The following RBFOX1 variants were observed in gnomAD, a reference collection of about 807,000 sequenced individuals.
The protein encoded by RBFOX1 is RNA binding fox-1 homolog 1, also known as RNA binding protein fox-1 homolog 1.
A neutral mutation model predicts 57.7 loss-of-function variants in RBFOX1; 8 were observed. The observed-to-expected ratio is 0.14, with a 90% CI of 0.08 to 0.25. The LOEUF (loss-of-function observed/expected upper bound fraction) is 0.25. RBFOX1 is among the 10% of genes least tolerant of loss of function. The pLI is 1.00. For missense variants in RBFOX1, 611 were observed against 548.5 expected, an observed-to-expected ratio of 1.11 and a Z score of -1.14; for synonymous variants, 326 against 222.4, an observed-to-expected ratio of 1.47 and a Z score of -4.15.
intron 3 of RBFOX1, among the ~76,000 whole-genome samples, chr16:6,800,442 C>T (rs916630847): frequency 1.3e-5 from 2 of 152,140 alleles, no homozygotes; most frequent in East Asian, 1.9e-4. Flanking sequence ...GGGGATCTTG[C>T]TAAATGCAAA....
intron 1 of RBFOX1, among the ~76,000 whole-genome samples, chr16:6,190,472 C>G (rs189426795): frequency 6.6e-6 from 1 of 152,162 alleles, no homozygotes; most frequent in African/African-American, 2.4e-5. Context: ...ACTTAGTTTT[C>G]TAATCCTGTG....
intron 2 of RBFOX1, among the ~76,000 whole-genome samples, chr16:6,463,446 T>C (rs1431231364): frequency 3.3e-5 from 5 of 152,216 alleles, no homozygotes; most frequent in Non-Finnish European, 5.9e-5. Flanking sequence ...TAAGAATTCC[T>C]TACTTTAAAA....
intron 2 of RBFOX1, among the ~76,000 whole-genome samples, chr16:5,477,803 A>G (rs1381278267): frequency 6.6e-6 from 1 of 152,156 alleles, no homozygotes; most frequent in African/African-American, 2.4e-5. Context: ...TACTTGCAAA[A>G]TGACGTGTTG....
At chr16:5,272,633 G>A (rs8060883) in intron 1 of RBFOX1, among the ~76,000 whole-genome samples, 1 of 152,034 alleles carries the variant, frequency 6.6e-6, no homozygotes, top group Non-Finnish European at 1.5e-5. Flanking sequence ...AACACTTACA[G>A]CAAGAATTAA....
chr16:5,351,121 C>T (rs1295464527), intron 1 of RBFOX1, among the ~76,000 whole-genome samples: 1 of 152,130 alleles, frequency 6.6e-6, no homozygotes, highest in Non-Finnish European at 1.5e-5. Context: ...GATGTGTCTC[C>T]CATCTGATAC....
intron 3 of RBFOX1, among the ~76,000 whole-genome samples, chr16:5,658,240 C>A (rs2049519441): frequency 6.6e-6 from 1 of 152,100 alleles, no homozygotes; most frequent in Non-Finnish European, 1.5e-5. Flanking sequence ...AGGCAAACAA[C>A]CTGCTGGGAA....
rs137940802 is a variant in RBFOX1, at chr16:6,847,682, G to A, written c.-16+193032G>A. On this transcript the variant is annotated intron_variant, in intron 3 of 15. Transcript: ENST00000550418. ...CAGCATAACTACAAGAGGCTGATAC[G>A]GTTATTTGACAGTGATCGTCAGGAT... Among the ~76,000 whole-genome samples, 735 of 152,188 alleles carry A rather than the reference G, an allele frequency of 4.8e-3. 2 individuals carry two copies. Among genetic ancestry groups the A allele is most frequent in the Non-Finnish European group, 7.9e-3 (539 of 67,998 alleles).
At chr16:6,827,200 G>A (rs1236488322) in intron 3 of RBFOX1, among the ~76,000 whole-genome samples, 1 of 102,110 alleles carries the variant, frequency 9.8e-6, no homozygotes, top group Non-Finnish European at 1.9e-5. Context: ...TATTAGAGGT[G>A]TGTTTTTTTT....
chr16:7,147,166 T>A (rs1223574800), intron 4 of RBFOX1, among the ~76,000 whole-genome samples: 5 of 146,218 alleles, frequency 3.4e-5, no homozygotes, highest in East Asian at 4.2e-4. Flanking sequence ...TTATTTATTT[T>A]TTATTTTTTT....
intron 4 of RBFOX1, among the ~76,000 whole-genome samples, chr16:7,075,706 G>A (rs973574099): frequency 2.0e-5 from 3 of 151,848 alleles, no homozygotes; most frequent in Non-Finnish European, 2.9e-5. Flanking sequence ...TCAGTCTCCC[G>A]AGTAGCTGGG....
chr16:6,225,113 G>C (rs899681127), intron 1 of RBFOX1, among the ~76,000 whole-genome samples: 2 of 151,624 alleles, frequency 1.3e-5, no homozygotes, highest in Admixed American at 6.6e-5. Flanking sequence ...GGGAAGTGAT[G>C]GACTACAAGA....
At chr16:6,831,829 T>G (rs1164976996) in intron 3 of RBFOX1, among the ~76,000 whole-genome samples, 1 of 152,194 alleles carries the variant, frequency 6.6e-6, no homozygotes, top group South Asian at 2.1e-4. Context: ...GGAATTTTTA[T>G]GATTATCTCC....
At chr16:6,118,511 G>T (rs573573736) in intron 1 of RBFOX1, among the ~76,000 whole-genome samples, 2 of 152,022 alleles carry the variant, frequency 1.3e-5, no homozygotes, top group African/African-American at 4.8e-5. Context: ...CTTGGATGGC[G>T]GCAGTGGCTG....
intron 1 of RBFOX1, among the ~76,000 whole-genome samples, chr16:5,264,439 A>G (rs1279697881): frequency 6.6e-6 from 1 of 152,206 alleles, no homozygotes; most frequent in Non-Finnish European, 1.5e-5. Context: ...GACCGTCTGT[A>G]TAAAATGTTC....
At chr16:6,476,948 C>T (rs1037788909) in intron 2 of RBFOX1, among the ~76,000 whole-genome samples, 2 of 152,174 alleles carry the variant, frequency 1.3e-5, no homozygotes, top group African/African-American at 4.8e-5. Flanking sequence ...GATTCCATCT[C>T]AAGGAACCAC....
At chr16:5,650,128 G>A (rs999399824) in intron 3 of RBFOX1, among the ~76,000 whole-genome samples, 28 of 152,136 alleles carry the variant, frequency 1.8e-4, no homozygotes, top group Non-Finnish European at 3.2e-4. Flanking sequence ...CTGTGGTTTC[G>A]ACAGGGACTC....
chr16:6,620,589 A>T (rs989018179), intron 2 of RBFOX1, among the ~76,000 whole-genome samples: 1 of 152,192 alleles, frequency 6.6e-6, no homozygotes, highest in Non-Finnish European at 1.5e-5. Flanking sequence ...AATAACAACA[A>T]CAAAACAAAC....
At chr16:7,154,576 A>G (rs9806978) in intron 4 of RBFOX1, among the ~76,000 whole-genome samples, 59,222 of 151,630 alleles carry the variant, frequency 0.39, 12,744 homozygotes, top group African/African-American at 0.59. Context: ...AACTATTTAT[A>G]TTTAAACTTG....
intron 1 of RBFOX1, among the ~76,000 whole-genome samples, chr16:6,189,348 C>G (rs1473613895): frequency 2.0e-5 from 3 of 152,342 alleles, no homozygotes; most frequent in East Asian, 1.9e-4. Context: ...ATTCAAGAGT[C>G]TAGTGCGCGC....
Sources: allele counts gnomAD v4.1 joint callset (sites outside exome capture counted in the v4.1 genomes callset), GRCh38; gene constraint gnomAD v4.1.1; transcripts MANE v1.5; gene names NCBI Gene and HGNC (gene_info 2026-07-23, HGNC 2026-07-21).